Variants in EIF3E observed in about 807,000 individuals in gnomAD.
EIF3E encodes eIF-3 p48.
In EIF3E, 25 loss-of-function variants were observed where a neutral mutation model predicts 59.3. That is an observed-to-expected ratio of 0.42 (90% CI 0.31 to 0.59). The LOEUF (loss-of-function observed/expected upper bound fraction) is 0.59, where lower values mean the gene tolerates loss of function less well. Ranked by LOEUF, EIF3E falls within the 20% of genes least tolerant of loss-of-function variation. The pLI, the probability that EIF3E is intolerant of heterozygous loss-of-function variation, is 0.15. For synonymous variants in EIF3E, 176 were observed against 170.2 expected (o/e 1.03, Z -0.26); for missense variants, 317 against 534.3 (o/e 0.59, Z 4.01).
chr8:108,235,077 A>G lies in EIF3E; in HGVS notation c.392T>C (p.Leu131Pro). Residue 131 changes from leucine (L) to proline (P), a missense_variant, in exon 5 of 13, where the codon CTC becomes CCC. Leu to Pro is a moderately conservative substitution (Grantham distance 98). This residue lies in a region of EIF3E where 242 missense variants were observed against 398.0 expected (regional missense o/e 0.61). Coordinates refer to ENST00000220849, the MANE Select transcript of EIF3E (RefSeq NM_001568.3). ...GTACTGGAATTTTGCATATCTGTAGAGTGTATCTAAATATTCCTGCCTAAA... is the reference window on the plus strand; with the variant it reads ...GTACTGGAATTTTGCATATCTGTAGGGTGTATCTAAATATTCCTGCCTAAA... Reference protein sequence around the residue: ...HGFRQEYLDTLYRYAKFQYEC... With the variant: ...HGFRQEYLDTPYRYAKFQYEC... The G allele has an allele frequency of 1.3e-6, 2 of 1,571,466 alleles. No homozygotes were observed. The highest frequency in any genetic ancestry group is 1.7e-6 in the Non-Finnish European group (2 of 1,165,208).
At chr8:108,241,732 T>C (rs1391165072) in intron 2 of EIF3E, 67 bp downstream of exon 2, 3 of 932,824 alleles carry the variant, frequency 3.2e-6, no homozygotes, top group Non-Finnish European at 3.1e-6. Flanking sequence ...GTCTTATAAA[T>C]CATAAAACTT....
intron 7 of EIF3E, among the ~76,000 whole-genome samples, chr8:108,225,920 A>AGTGGCAAAGCCTC (rs1815508070): frequency 6.8e-6 from 1 of 146,634 alleles, no homozygotes; most frequent in African/African-American, 2.8e-5. Flanking sequence ...TGTTAAATTG[A>AGTGGCAAAGCCTC]ATCAATTTAC....
chr8:108,247,766 A>C (rs544596374), intron 1 of EIF3E, among the ~76,000 whole-genome samples: 2 of 152,292 alleles, frequency 1.3e-5, no homozygotes, highest in East Asian at 1.9e-4. Context: ...CATCACTGCA[A>C]ATTACTTTGC....
At chr8:108,242,096 A>G in intron 1 of EIF3E, 183 bp from the exon 2 acceptor site, 3 of 1,461,692 alleles carry the variant, frequency 2.1e-6, no homozygotes, top group South Asian at 2.5e-5. Flanking sequence ...TATAGACGTA[A>G]AAGTATTTTA....
At chr8:108,205,553 AAAATATT>A (rs1452674299) in intron 10 of EIF3E, among the ~76,000 whole-genome samples, 1 of 152,222 alleles carries the variant, frequency 6.6e-6, no homozygotes, top group Non-Finnish European at 1.5e-5. Context: ...TCCCAGTCTG[AAAATATT>A]AAATAGAAAA....
rs1222627475 is a variant in EIF3E, at chr8:108,229,081, T to C, written c.586A>G (p.Ile196Val). 6 of 1,602,626 alleles carry C rather than the reference T, an allele frequency of 3.7e-6. No homozygotes were observed. The highest frequency in any genetic ancestry group is 3.4e-5 in the South Asian group (3 of 89,366). Residue 196 changes from isoleucine (I) to valine (V), a missense_variant, in exon 6 of 13, where the codon ATA (isoleucine) becomes GTA (valine). By Grantham distance (29) the Ile-to-Val change is conservative (BLOSUM62 3). Around this residue, in one of 4 missense-constraint regions of EIF3E, gnomAD observed 242 missense variants for 398.0 expected, o/e 0.61. Transcript: ENST00000220849. ...AAAGTCGAACTCACATTATTATCTA[T>C]GGTCTCTTTTAACCGTGTAAGGTCT... is the stretch of plus-strand genomic sequence containing the variant. ...MEDLTRLKET[I>V]DNNSVSSPLQ...
chr8:108,230,033 G>C (rs1815592461), intron 5 of EIF3E, among the ~76,000 whole-genome samples: 1 of 152,152 alleles, frequency 6.6e-6, no homozygotes, highest in Admixed American at 6.6e-5. Flanking sequence ...AGCAGCAGAA[G>C]TAGGTAAACT....
intron 2 of EIF3E, among the ~76,000 whole-genome samples, chr8:108,241,122 G>A (rs1353622287): frequency 4.6e-5 from 7 of 152,218 alleles, no homozygotes; most frequent in Admixed American, 4.6e-4. Flanking sequence ...TTATATATTA[G>A]AAAGTATATT....
Position 108,219,544 on chromosome 8 carries a change from T to C in EIF3E, c.723-2084A>G, listed in dbSNP as rs985841243. Among the ~76,000 whole-genome samples the C allele has an allele frequency of 3.5e-4, 54 of 152,318 alleles. 1 individual carries two copies. Among genetic ancestry groups the C allele is most frequent in the South Asian group, 4.1e-4 (2 of 4,832 alleles). ...AGTATTGCAAATGTTTTTCTGATAA[T>C]GTAATCTGTAATGAGATTTTACATA... On this transcript the variant is annotated intron_variant, in intron 7 of 12. Transcript: ENST00000220849.
chr8:108,229,038 T>A (rs776189805), intron 6 of EIF3E, 32 bp downstream of exon 6: 118 of 1,573,472 alleles, frequency 7.5e-5, no homozygotes, highest in Non-Finnish European at 1.0e-4. Flanking sequence ...CACAGATATT[T>A]CAGAGAATAA....
At position 108,203,417 on chromosome 8, in the gene EIF3E, T is replaced by G. The variant is rs1488309322; in HGVS notation, c.1148A>C (p.Lys383Thr). 1 of 1,611,646 alleles carries G rather than the reference T, an allele frequency of 6.2e-7. No individual in the cohort carries two copies. Among genetic ancestry groups the G allele is most frequent in the Non-Finnish European group, 8.5e-7 (1 of 1,178,636 alleles). The change falls in exon 11 of 13, where the codon AAG (lysine) becomes ACG (threonine). Residue 383 changes from lysine to threonine, a missense_variant. Physicochemically the swap from Lys to Thr is moderately conservative, Grantham distance 78 (BLOSUM62 -1). Around this residue, in one of 4 missense-constraint regions of EIF3E, gnomAD observed 45 missense variants for 97.8 expected, o/e 0.46. Coordinates refer to ENST00000220849, the MANE Select transcript of EIF3E (RefSeq NM_001568.3). ...NLIRNARLDA[K>T]IDSKLGHVVM... is the part of the protein sequence containing the mutation. The stretch of plus-strand genomic sequence containing the variant: ...AATACTCACTAATTTAGAATCAATC[T>G]TGGCATCCAGTCTTGCATTTCTAAT...
At chr8:108,247,900 AG>A (rs1815977726) in intron 1 of EIF3E, among the ~76,000 whole-genome samples, 1 of 152,236 alleles carries the variant, frequency 6.6e-6, no homozygotes, top group African/African-American at 2.4e-5. Context: ...ATGAAGTTCC[AG>A]AATTACACAT....
At chr8:108,244,404 C>CT (rs975926363) in intron 1 of EIF3E, among the ~76,000 whole-genome samples, 1 of 152,108 alleles carries the variant, frequency 6.6e-6, no homozygotes, top group Admixed American at 6.5e-5. Flanking sequence ...GATTAAGAAT[C>CT]TTTTTTTGCT....
chr8:108,235,188 T>C, intron 4 of EIF3E, 86 bp from the exon 5 acceptor site: 3 of 719,404 alleles, frequency 4.2e-6, no homozygotes, highest in Non-Finnish European at 6.4e-6. Context: ...AGGTCAAAAC[T>C]ATGAATGTTT....
At chr8:108,218,987 T>A (rs1215806209) in intron 7 of EIF3E, among the ~76,000 whole-genome samples, 7 of 152,040 alleles carry the variant, frequency 4.6e-5, no homozygotes, top group Non-Finnish European at 1.5e-5. Flanking sequence ...GGTTTCACCG[T>A]GTTGGCCAGG....
chr8:108,229,085 C>G lies in EIF3E; in HGVS notation c.582G>C (p.Glu194Asp), dbSNP rs1482317769. The G allele has an allele frequency of 2.5e-6, 4 of 1,602,352 alleles. No individual in the cohort carries two copies. The highest frequency in any genetic ancestry group is 3.4e-6 in the Non-Finnish European group (4 of 1,174,058). ...AAMEDLTRLK[E>D]TIDNNSVSSP... The stretch of plus-strand genomic sequence containing the variant: ...TCGAACTCACATTATTATCTATGGT[C>G]TCTTTTAACCGTGTAAGGTCTTCCA... Residue 194 changes from glutamate (E) to aspartate (D), a missense_variant, in exon 6 of 13, where the codon GAG (glutamate) becomes GAC (aspartate). Coordinates refer to ENST00000220849, the MANE Select transcript of EIF3E (RefSeq NM_001568.3).
intron 7 of EIF3E, among the ~76,000 whole-genome samples, chr8:108,219,702 C>T (rs1053209792): frequency 2.0e-5 from 3 of 151,804 alleles, no homozygotes; most frequent in Non-Finnish European, 2.9e-5. Context: ...ATAGTGAAAC[C>T]TTGTCTCTAC....
chr8:108,229,869 C>A (rs886281872), intron 5 of EIF3E, among the ~76,000 whole-genome samples: 1 of 152,002 alleles, frequency 6.6e-6, no homozygotes, highest in African/African-American at 2.4e-5. Context: ...AATCATGAAA[C>A]CTATAAATTT....
chr8:108,229,936 T>C (rs1484400278), intron 5 of EIF3E, among the ~76,000 whole-genome samples: 1 of 152,160 alleles, frequency 6.6e-6, no homozygotes, highest in Non-Finnish European at 1.5e-5. Flanking sequence ...CTACCTCTTC[T>C]ATCCGCTGGT....
Sources: allele counts gnomAD v4.1 joint callset (sites outside exome capture counted in the v4.1 genomes callset), GRCh38; gene constraint gnomAD v4.1.1; regional missense constraint gnomAD v4.1.1; transcripts MANE v1.5; gene names NCBI Gene and HGNC (gene_info 2026-07-23, HGNC 2026-07-21).